The following AGMO variants were observed in gnomAD, a reference collection of about 807,000 sequenced individuals.
AGMO encodes the protein glyceryl-ether monooxygenase.
In AGMO, 75 loss-of-function variants were observed where a neutral mutation model predicts 60.2. That is an observed-to-expected ratio of 1.25 (90% CI 1.03 to 1.51). AGMO has a LOEUF of 1.51. Among genes scored for constraint, AGMO ranks in the 40% most tolerant of loss-of-function variants. The probability of loss-of-function intolerance (pLI) is 0.00; values close to 1 mark genes in which losing one functional copy is unlikely to be tolerated. For synonymous variants in AGMO, 261 were observed against 177.1 expected (o/e 1.47, Z -3.76); for missense variants, 763 against 525.5 (o/e 1.45, Z -4.42).
chr7:15,210,730 C>G (rs935525199), intron 12 of AGMO, among the ~76,000 whole-genome samples: 1 of 151,982 alleles, frequency 6.6e-6, no homozygotes, highest in Non-Finnish European at 1.5e-5. Context: ...CAAAATAAAT[C>G]TTTGGCTAGG....
chr7:15,527,727 C>T (rs1432103964), intron 3 of AGMO, among the ~76,000 whole-genome samples: 1 of 152,098 alleles, frequency 6.6e-6, no homozygotes, highest in Non-Finnish European at 1.5e-5. Context: ...AACAGGCTGA[C>T]TCTCTTGTTT....
the AGMO span, among the ~76,000 whole-genome samples, chr7:15,119,525 C>G: frequency 6.6e-6 from 1 of 151,280 alleles, no homozygotes; most frequent in African/African-American, 2.4e-5. Context: ...ATAAACATTT[C>G]CTTGCATACA....
At chr7:15,300,097 A>G (rs1006298058) in intron 12 of AGMO, among the ~76,000 whole-genome samples, 2 of 152,100 alleles carry the variant, frequency 1.3e-5, no homozygotes, top group African/African-American at 4.8e-5. Context: ...GAAGTAATAG[A>G]AAGGAAATGA....
chr7:15,365,714 T>C, intron 11 of AGMO, 95 bp from the exon 12 acceptor site: 4 of 809,504 alleles, frequency 4.9e-6, no homozygotes, highest in Non-Finnish European at 7.8e-6. Context: ...TCTCAAGAAA[T>C]ACCTAGTATT....
intron 12 of AGMO, among the ~76,000 whole-genome samples, chr7:15,202,765 G>A (rs1233630166): frequency 1.3e-5 from 2 of 152,076 alleles, no homozygotes; most frequent in Non-Finnish European, 2.9e-5. Flanking sequence ...TTTTGATTTT[G>A]TTTCTTTTGA....
intron 12 of AGMO, among the ~76,000 whole-genome samples, chr7:15,294,999 G>T: frequency 6.6e-6 from 1 of 151,284 alleles, no homozygotes; most frequent in South Asian, 2.1e-4. Flanking sequence ...AATCTAATAG[G>T]GAACCAAATA....
chr7:15,387,835 G>C (rs958954648), intron 8 of AGMO, among the ~76,000 whole-genome samples: 1 of 151,770 alleles, frequency 6.6e-6, no homozygotes, highest in Middle Eastern at 3.2e-3. Flanking sequence ...AATGAGTTAA[G>C]AGGCTTTGCT....
chr7:15,449,904 G>C (rs1468680937), intron 3 of AGMO, among the ~76,000 whole-genome samples: 1 of 152,064 alleles, frequency 6.6e-6, no homozygotes, highest in Non-Finnish European at 1.5e-5. Context: ...AACATCACTT[G>C]TTTTAAATAA....
chr7:15,309,322 A>T (rs1044614070), intron 12 of AGMO, among the ~76,000 whole-genome samples: 2 of 152,170 alleles, frequency 1.3e-5, no homozygotes, highest in Non-Finnish European at 2.9e-5. Flanking sequence ...TTGAGTAGGT[A>T]CCAATAAAAA....
the AGMO span, among the ~76,000 whole-genome samples, chr7:15,181,050 T>TA: frequency 6.6e-6 from 1 of 152,292 alleles, no homozygotes; most frequent in East Asian, 1.9e-4. Context: ...ATAATAGCAT[T>TA]AATCTATTCA....
chr7:15,452,737 T>C (rs975764912), intron 3 of AGMO, among the ~76,000 whole-genome samples: 1 of 152,272 alleles, frequency 6.6e-6, no homozygotes, highest in African/African-American at 2.4e-5. Context: ...AGGTATATAG[T>C]CAAGAAAATT....
chr7:15,281,075 G>T (rs978650127), intron 12 of AGMO, among the ~76,000 whole-genome samples: 2 of 152,138 alleles, frequency 1.3e-5, no homozygotes, highest in Admixed American at 6.5e-5. Flanking sequence ...CCTAGGGGAA[G>T]GGGGAATGCA....
intron 12 of AGMO, among the ~76,000 whole-genome samples, chr7:15,329,929 G>C (rs1258059078): frequency 6.6e-6 from 1 of 152,134 alleles, no homozygotes; most frequent in African/African-American, 2.4e-5. Context: ...CTGTGCTTTA[G>C]GTCAGAGGAC....
the AGMO span, among the ~76,000 whole-genome samples, chr7:15,125,631 C>T: frequency 4.0e-5 from 6 of 151,890 alleles, no homozygotes; most frequent in Admixed American, 2.6e-4. Flanking sequence ...CCAGACAATA[C>T]GTATATATGA....
At position 15,385,547 on chromosome 7, in the gene AGMO, C is replaced by T. The variant is rs1783876640; in HGVS notation, c.973G>A (p.Val325Ile). ...TGAGATGAAGATGATGAGAAGGGAA[C>T]TTCTTTGCCGGTGACCTAGGGAGAC... ...EEIPEVTGKE[V>I]PFSSSSSQLL... is the part of the protein sequence containing the mutation. Residue 325 changes from valine (V) to isoleucine (I), a missense_variant, in exon 10 of 13, where the codon GTT becomes ATT. Coordinates refer to ENST00000342526, the MANE Select transcript of AGMO (RefSeq NM_001004320.2). The T allele has an allele frequency of 3.7e-6, 6 of 1,609,680 alleles. No individual in the cohort carries two copies. In the East Asian group the frequency reaches 1.3e-4, roughly 36 times the overall value.
chr7:15,370,718 C>G (rs1783175607), intron 10 of AGMO, among the ~76,000 whole-genome samples: 1 of 144,880 alleles, frequency 6.9e-6, no homozygotes, highest in Non-Finnish European at 1.5e-5. Flanking sequence ...TGTTCTTTGC[C>G]CATTTTTTAA....
chr7:15,460,838 A>C (rs1782124272), intron 3 of AGMO, among the ~76,000 whole-genome samples: 1 of 152,198 alleles, frequency 6.6e-6, no homozygotes, highest in Non-Finnish European at 1.5e-5. Flanking sequence ...ATAACTTTTA[A>C]ATTGGAAAGT....
chr7:15,457,741 G>A (rs932650682), intron 3 of AGMO, among the ~76,000 whole-genome samples: 34 of 152,096 alleles, frequency 2.2e-4, no homozygotes, highest in African/African-American at 7.0e-4. Flanking sequence ...ACTATCATCT[G>A]GCATGAAAGC....
At chr7:15,173,404 G>C in the AGMO span, among the ~76,000 whole-genome samples, 15 of 152,218 alleles carry the variant, frequency 9.9e-5, no homozygotes, top group African/African-American at 3.6e-4. Flanking sequence ...GTTATTGCTT[G>C]GCATTTTATA....
Sources: gnomAD v4.1 joint callset for allele counts (sites outside exome capture counted in the v4.1 genomes callset) on GRCh38, gnomAD v4.1.1 for gene constraint, MANE v1.5 for transcripts, NCBI Gene and HGNC (gene_info 2026-07-23, HGNC 2026-07-21) for gene names.